Variants in DDX43 observed in about 807,000 individuals in gnomAD.
The protein encoded by DDX43 is probable ATP-dependent RNA helicase DDX43.
DDX43 carries 50 observed loss-of-function variants against 84.9 expected under a neutral mutation model. The ratio of observed to expected loss-of-function variants is 0.59; its 90% CI spans 0.47 to 0.75. DDX43 has a LOEUF of 0.75. Among genes scored for constraint, DDX43 ranks in the 30% least tolerant of loss-of-function variants. DDX43 has a pLI of 0.00. For missense variants in DDX43, 689 were observed against 798.6 expected (o/e 0.86, Z 1.65); for synonymous variants, 291 against 266.3 (o/e 1.09, Z -0.90).
chr6:73,415,549 T>A lies in DDX43; in HGVS notation c.1798T>A (p.Ser600Thr). The A allele has an allele frequency of 1.2e-6, 2 of 1,613,292 alleles. No individual in the cohort carries two copies. The highest frequency in any genetic ancestry group is 1.7e-6 in the Non-Finnish European group (2 of 1,179,396). ...TLTRNDWRVA[S>T]ELINILERAN... Reference sequence around the variant, plus strand: ...GACTAGAAATGATTGGAGGGTTGCCTCTGAATTGATTAATATTCTGGAAAG... The same window carrying A: ...GACTAGAAATGATTGGAGGGTTGCCACTGAATTGATTAATATTCTGGAAAG... Residue 600 changes from serine to threonine, a missense_variant, in exon 15 of 17, where the codon TCT becomes ACT. Physicochemically the swap from Ser to Thr is moderately conservative, Grantham distance 58. Coordinates refer to ENST00000370336, the MANE Select transcript of DDX43 (RefSeq NM_018665.3).
Position 73,412,246 on chromosome 6 carries a change from A to G in DDX43, c.1322A>G (p.Tyr441Cys), listed in dbSNP as rs542194532. ...TCAGTTCATCGCCTCGCACAATCTT[A>G]TTTGAAAGAACCAATGATTGTCTAT... Reference protein sequence around the residue: ...PHSVHRLAQSYLKEPMIVYVG... With the variant: ...PHSVHRLAQSCLKEPMIVYVG... Residue 441 changes from tyrosine (Y) to cysteine (C), a missense_variant, in exon 11 of 17, where the codon TAT becomes TGT. This residue lies in a region of DDX43 where 552 missense variants were observed against 692.7 expected (regional missense o/e 0.80). Transcript: ENST00000370336. 7 of 1,613,710 alleles carry G rather than the reference A, an allele frequency of 4.3e-6. No individual in the cohort carries two copies. The South Asian group carries it at 7.7e-5, about 18-fold the overall frequency.
intron 11 of DDX43, among the ~76,000 whole-genome samples, chr6:73,412,656 TGTGTGTGTGTGTGCGC>T (rs1769814200): frequency 2.3e-5 from 2 of 87,876 alleles, no homozygotes; most frequent in African/African-American, 8.1e-5. Context: ...TGTGTGTGTG[TGTGTGTGTGTGTGCGC>T]GCGCGCGTGT....
chr6:73,409,457 C>T (rs1769745108), intron 10 of DDX43, 109 bp downstream of exon 10: 1 of 871,016 alleles, frequency 1.1e-6, no homozygotes, highest in African/African-American at 1.7e-5. Flanking sequence ...GTGTTGAAAT[C>T]TTTAGGTGAA....
At chr6:73,407,861 A>G (rs1196964649) in intron 8 of DDX43, 99 bp from the exon 9 acceptor site, 3 of 1,177,922 alleles carry the variant, frequency 2.5e-6, no homozygotes, top group Non-Finnish European at 1.2e-6. Flanking sequence ...ATACCCCTAA[A>G]GGTACCTGAT....
Position 73,406,449 on chromosome 6 carries a change from T to C in DDX43, c.893T>C (p.Met298Thr). Residue 298 changes from methionine to threonine, a missense_variant, in exon 7 of 17, where the codon ATG becomes ACG. By Grantham distance (81) the Met-to-Thr change is moderately conservative. This residue lies in a region of DDX43 where 552 missense variants were observed against 692.7 expected (regional missense o/e 0.80). Coordinates refer to ENST00000370336, the MANE Select transcript of DDX43 (RefSeq NM_018665.3). ...TGTGKTLCYL[M>T]PGFIHLVLQP... ...ACAGGAAAGACATTGTGTTATTTAA[T>C]GCCTGGATTTATTCATCTGGTCCTT... 1 of 1,613,260 alleles carries C rather than the reference T, an allele frequency of 6.2e-7. No homozygotes were observed. Among genetic ancestry groups the C allele is most frequent in the Non-Finnish European group, 8.5e-7 (1 of 1,179,312 alleles).
intron 15 of DDX43, 69 bp downstream of exon 15, chr6:73,415,653 G>A: frequency 8.9e-7 from 1 of 1,121,166 alleles, no homozygotes; most frequent in African/African-American, 1.6e-5. Context: ...CGGGTACTAT[G>A]GCTTGCTATT....
chr6:73,402,506 C>T (rs1318795117), intron 4 of DDX43, among the ~76,000 whole-genome samples: 1 of 152,202 alleles, frequency 6.6e-6, no homozygotes, highest in Non-Finnish European at 1.5e-5. Flanking sequence ...CTCCTGGCTT[C>T]AAGTGATCCT....
Position 73,401,899 on chromosome 6 carries a change from A to G in DDX43, c.477A>G (p.Thr159=), listed in dbSNP as rs1481142162. The G allele has an allele frequency of 3.1e-6, 5 of 1,614,034 alleles. No individual in the cohort carries two copies. The highest frequency in any genetic ancestry group is 1.7e-6 in the Non-Finnish European group (2 of 1,180,038). ...CTTCTGTTGGAAAAGATGGAAGCAC[A>G]GATAACAATGTTGTTGCAGGAGATC... ...FQPSVGKDGS[T]DNNVVAGDRP... The change falls in exon 4 of 17, where the codon ACA becomes ACG. Residue 159 remains threonine, a synonymous_variant. Transcript: ENST00000370336.
At position 73,415,973 on chromosome 6, in the gene DDX43, T is replaced by C. The variant is rs147071042; in HGVS notation, c.1834-140T>C. ...AAATTTTATAGCCTGTAGATGGATG[T>C]AGGGTTTAATCGAGATACCTGTTTC... On this transcript the variant is annotated intron_variant, in intron 15 of 16. Transcript: ENST00000370336. 1,237 of 603,418 alleles carry C rather than the reference T, an allele frequency of 2.0e-3. 4 individuals are homozygous for C. The highest frequency in any genetic ancestry group is 2.5e-3 in the Non-Finnish European group (839 of 337,616). The allele number at this position is 603,418 out of a possible 1,614,324, so 37.4% of individuals were successfully genotyped here. A position where few individuals can be genotyped will look rare whatever the true frequency, so the allele number is the denominator to read the frequency against.
rs112589417 is a variant in DDX43, at chr6:73,400,222, C to T, written c.307-12C>T. On this transcript the variant is annotated splice_polypyrimidine_tract_variant and intron_variant, in intron 2 of 16. Coordinates refer to ENST00000370336, the MANE Select transcript of DDX43 (RefSeq NM_018665.3). ...AATTTTAAGTCTCACCTCTTTTTCC[C>T]CTTGTACCTAGATAATACAAGAACA... is the stretch of plus-strand genomic sequence containing the variant. 7 of 1,572,802 alleles carry T rather than the reference C, an allele frequency of 4.5e-6. No individual in the cohort carries two copies. The highest frequency in any genetic ancestry group is 2.0e-4 in the Middle Eastern group (1 of 5,008).
chr6:73,404,003 C>T (rs912683567), intron 4 of DDX43, among the ~76,000 whole-genome samples: 1 of 151,942 alleles, frequency 6.6e-6, no homozygotes, highest in African/African-American at 2.4e-5. Flanking sequence ...ATTTTTAGTA[C>T]AGATGGGGTT....
At chr6:73,415,620 A>T in intron 15 of DDX43, 36 bp downstream of exon 15, 1 of 1,453,808 alleles carries the variant, frequency 6.9e-7, no homozygotes, top group Non-Finnish European at 9.6e-7. Context: ...TCTACCTGTT[A>T]TCAGTATCTC....
chr6:73,408,101 G>A lies in DDX43; in HGVS notation c.1179G>A (p.Leu393=). 1 of 1,613,276 alleles carries A rather than the reference G, an allele frequency of 6.2e-7. No individual in the cohort carries two copies. Among genetic ancestry groups the A allele is most frequent in the Non-Finnish European group, 8.5e-7 (1 of 1,179,746 alleles). The change falls in exon 9 of 17, where the codon TTG becomes TTA. Residue 393 remains leucine (L), a splice_region_variant and synonymous_variant. Transcript: ENST00000370336. Reference sequence around the variant, plus strand: ...TCAATCTGAAGAATATAACCTACTTGGTAATCATGGAAATAGGGGTTTGAG... The same window carrying A: ...TCAATCTGAAGAATATAACCTACTTAGTAATCATGGAAATAGGGGTTTGAG... ...NFVNLKNITY[L]VLDEADKMLD...
At position 73,409,326 on chromosome 6, in the gene DDX43, G is replaced by C. The variant is rs779499688; in HGVS notation, c.1258G>C (p.Asp420His). The part of the protein sequence containing the change: ...IMKILLDVRP[D>H]RQTVMTSATW... The stretch of plus-strand genomic sequence containing the variant: ...GAAGATTTTGTTAGATGTGCGCCCA[G>C]ATAGGCAGACAGTTATGACCAGGTA... Residue 420 changes from aspartate (D) to histidine (H), a missense_variant, in exon 10 of 17, where the codon GAT (aspartate) becomes CAT (histidine). Physicochemically the swap from Asp to His is moderately conservative, Grantham distance 81. Around this residue, in one of 2 missense-constraint regions of DDX43, gnomAD observed 552 missense variants for 692.7 expected, o/e 0.80. Transcript: ENST00000370336. 3 of 1,614,034 alleles carry C rather than the reference G, an allele frequency of 1.9e-6. No individual in the cohort carries two copies. Among genetic ancestry groups the C allele is most frequent in the Non-Finnish European group, 2.5e-6 (3 of 1,179,914 alleles).
At chr6:73,413,604 G>A in intron 11 of DDX43, 54 bp from the exon 12 acceptor site, 1 of 1,579,546 alleles carries the variant, frequency 6.3e-7, no homozygotes, top group Non-Finnish European at 8.6e-7. Context: ...GATGTATGCG[G>A]TCTCACCCTC....
At chr6:73,399,366 C>T (rs1769527534) in intron 2 of DDX43, among the ~76,000 whole-genome samples, 1 of 152,170 alleles carries the variant, frequency 6.6e-6, no homozygotes, top group Non-Finnish European at 1.5e-5. Context: ...CTGGCCTGTT[C>T]ACTCTCTCCA....
intron 10 of DDX43, among the ~76,000 whole-genome samples, chr6:73,410,580 T>C (rs530105484): frequency 6.6e-6 from 1 of 152,286 alleles, no homozygotes; most frequent in South Asian, 2.1e-4. Flanking sequence ...TTGATCAGTA[T>C]ATTTTGAAGG....
In DDX43 at chr6:73,408,035, A is replaced by C; in HGVS notation, c.1113A>C (p.Ala371=). 1 of 1,613,242 alleles carries C rather than the reference A, an allele frequency of 6.2e-7. No individual in the cohort carries two copies. Among genetic ancestry groups the C allele is most frequent in the Non-Finnish European group, 8.5e-7 (1 of 1,179,670 alleles). ...ELKKGVDIII[A]TPGRLNDLQM... ...AAAAAGGTGTAGATATCATAATTGC[A>C]ACTCCCGGAAGATTGAATGATCTGC... The change falls in exon 9 of 17, where the codon GCA becomes GCC. Residue 371 remains alanine, a synonymous_variant. Transcript: ENST00000370336.
At position 73,408,085 on chromosome 6, in the gene DDX43, A is replaced by G; in HGVS notation, c.1163A>G (p.Lys388Arg). 1 of 1,614,008 alleles carries G rather than the reference A, an allele frequency of 6.2e-7. No individual in the cohort carries two copies. The highest frequency in any genetic ancestry group is 1.3e-5 in the African/African-American group (1 of 75,020). Reference protein sequence around the residue: ...DLQMSNFVNLKNITYLVLDEA... With the variant: ...DLQMSNFVNLRNITYLVLDEA... ...CAAATGAGTAACTTCGTCAATCTGA[A>G]GAATATAACCTACTTGGTAATCATG... is the stretch of plus-strand genomic sequence containing the variant. The change falls in exon 9 of 17, where the codon AAG (lysine) becomes AGG (arginine). Residue 388 changes from lysine (K) to arginine (R), a missense_variant. Physicochemically the swap from Lys to Arg is conservative, Grantham distance 26 (BLOSUM62 2). Coordinates refer to ENST00000370336, the MANE Select transcript of DDX43 (RefSeq NM_018665.3).
Sources: allele counts gnomAD v4.1 joint callset (sites outside exome capture counted in the v4.1 genomes callset), GRCh38; gene constraint gnomAD v4.1.1; regional missense constraint gnomAD v4.1.1; transcripts MANE v1.5; gene names NCBI Gene and HGNC (gene_info 2026-07-23, HGNC 2026-07-21).